Variants in PTPRD observed in about 807,000 individuals in gnomAD.
The protein encoded by PTPRD is protein tyrosine phosphatase receptor type D.
Under a neutral mutation model 214.5 loss-of-function variants are expected in PTPRD, and 34 were observed. The ratio of observed to expected loss-of-function variants is 0.16; its 90% CI spans 0.12 to 0.21. PTPRD has a LOEUF of 0.21. Ranked by LOEUF, PTPRD falls within the 10% of genes least tolerant of loss-of-function variation. PTPRD has a pLI of 1.00. For missense variants in PTPRD, 2,545 were observed against 2,398.7 expected (o/e 1.06, Z -1.27); for synonymous variants, 1,128 against 845.7 (o/e 1.33, Z -5.79).
At chr9:10,497,067 T>C (rs1168457788) in intron 2 of PTPRD, among the ~76,000 whole-genome samples, 1 of 151,952 alleles carries the variant, frequency 6.6e-6, no homozygotes, top group Non-Finnish European at 1.5e-5. Context: ...AAATACCTTA[T>C]GTTCTTACTT....
chr9:8,526,633 T>C lies in PTPRD; in HGVS notation c.562A>G (p.Ile188Val). Residue 188 changes from isoleucine (I) to valine (V), a missense_variant, in exon 17 of 46, where the codon ATA (isoleucine) becomes GTA (valine). Physicochemically the swap from Ile to Val is conservative, Grantham distance 29. Transcript: ENST00000381196. ...LRSESIGGTPIRGALQIEQSE... is the reference protein window; with the variant it reads ...LRSESIGGTPVRGALQIEQSE... Reference sequence around the variant, plus strand: ...GTTAGTTCAGCACTCTTACCTCTTATTGGTGTACCACCTGGGTGGATAATA... The same window carrying C: ...GTTAGTTCAGCACTCTTACCTCTTACTGGTGTACCACCTGGGTGGATAATA... The C allele has an allele frequency of 1.3e-6, 2 of 1,581,096 alleles. No homozygotes were observed. The highest frequency in any genetic ancestry group is 1.7e-6 in the Non-Finnish European group (2 of 1,161,768).
chr9:8,685,042 C>A (rs1011119256), intron 12 of PTPRD, among the ~76,000 whole-genome samples: 1 of 152,096 alleles, frequency 6.6e-6, no homozygotes, highest in Non-Finnish European at 1.5e-5. Context: ...GGCTGGATGT[C>A]AAGATGCCCT....
chr9:9,840,069 G>A (rs532226649), intron 5 of PTPRD, among the ~76,000 whole-genome samples: 2 of 151,930 alleles, frequency 1.3e-5, no homozygotes, highest in South Asian at 2.1e-4. Flanking sequence ...ACAGAGTCTC[G>A]CTCTGTCACC....
chr9:8,319,547 G>T (rs542332728), intron 45 of PTPRD, among the ~76,000 whole-genome samples: 1 of 151,744 alleles, frequency 6.6e-6, no homozygotes, highest in East Asian at 1.9e-4. Context: ...TGAATATAAC[G>T]AATTTTATGA....
intron 2 of PTPRD, among the ~76,000 whole-genome samples, chr9:10,402,965 AGCAC>A: frequency 6.6e-6 from 1 of 151,508 alleles, no homozygotes. Context: ...GCTTCCTCAC[AGCAC>A]ATCAATTATT....
rs553588901 is a variant in PTPRD, at chr9:8,633,092, C to T, written c.352+225G>A. ...TGGTATCTGGCATTTGAAGTCAATGCTTTTTTCAGCTTTTTTACCTCTGAT... is the reference window on the plus strand; with the variant it reads ...TGGTATCTGGCATTTGAAGTCAATGTTTTTTTCAGCTTTTTTACCTCTGAT... On this transcript the variant is annotated intron_variant, in intron 14 of 45. Coordinates refer to ENST00000381196, the MANE Select transcript of PTPRD (RefSeq NM_002839.4). 3.3e-5 allele frequency among the ~76,000 whole-genome samples: 5 copies of T among 152,022 alleles called. No individual in the cohort carries two copies. The South Asian group carries it at 6.2e-4, about 19-fold the overall frequency.
chr9:8,538,075 A>G (rs961375201), intron 14 of PTPRD, among the ~76,000 whole-genome samples: 1 of 151,978 alleles, frequency 6.6e-6, no homozygotes, highest in Non-Finnish European at 1.5e-5. Context: ...CATCAGGGAA[A>G]CACATTTATT....
intron 2 of PTPRD, among the ~76,000 whole-genome samples, chr9:10,526,745 T>C (rs918627161): frequency 3.3e-5 from 5 of 152,148 alleles, no homozygotes; most frequent in Non-Finnish European, 5.9e-5. Flanking sequence ...AGATACAGTA[T>C]TGAGGTTCCT....
chr9:9,496,863 C>T (rs114903388), intron 8 of PTPRD, among the ~76,000 whole-genome samples: 5 of 152,184 alleles, frequency 3.3e-5, no homozygotes, highest in South Asian at 2.1e-4. Context: ...TGTCCATTGA[C>T]GAATGAGCAA....
At chr9:10,359,794 A>AT (rs1210555800) in intron 2 of PTPRD, among the ~76,000 whole-genome samples, 1 of 152,122 alleles carries the variant, frequency 6.6e-6, no homozygotes, top group East Asian at 1.9e-4. Context: ...GGATACTGTG[A>AT]TTTTTATCAA....
At chr9:8,563,962 G>A (rs972300177) in intron 14 of PTPRD, among the ~76,000 whole-genome samples, 3 of 152,150 alleles carry the variant, frequency 2.0e-5, no homozygotes, top group Admixed American at 6.6e-5. Context: ...CATTGCAACC[G>A]GCCTCGGCAT....
intron 2 of PTPRD, chr9:10,532,534 G>C (rs1333828110): frequency 2.0e-5 from 3 of 148,982 alleles, no homozygotes; most frequent in African/African-American, 7.3e-5. Flanking sequence ...TAAGACTTCT[G>C]TTGAATGTGG....
intron 10 of PTPRD, among the ~76,000 whole-genome samples, chr9:9,118,459 T>C (rs2154460926): frequency 6.6e-6 from 1 of 152,298 alleles, no homozygotes; most frequent in Middle Eastern, 3.4e-3. Context: ...AGCAACTTTT[T>C]AGTCACACAC....
At chr9:9,195,716 C>CAAA (rs373628761) in intron 9 of PTPRD, among the ~76,000 whole-genome samples, 69 of 130,270 alleles carry the variant, frequency 5.3e-4, no homozygotes, top group Middle Eastern at 4.3e-3. Flanking sequence ...TTTTTAAATG[C>CAAA]AAAAAAAAAA....
chr9:9,125,963 C>T (rs148709977), intron 10 of PTPRD, among the ~76,000 whole-genome samples: 1 of 152,070 alleles, frequency 6.6e-6, no homozygotes, highest in African/African-American at 2.4e-5. Context: ...GCAGAAGGGA[C>T]AGTTGTGTTA....
chr9:9,734,822 T>C (rs541354823), intron 6 of PTPRD, among the ~76,000 whole-genome samples: 1 of 152,256 alleles, frequency 6.6e-6, no homozygotes, highest in South Asian at 2.1e-4. Context: ...TTTTTTCCAA[T>C]TATTTAGGTG....
intron 2 of PTPRD, among the ~76,000 whole-genome samples, chr9:10,588,883 A>C (rs2074656523): frequency 1.3e-5 from 2 of 152,042 alleles, no homozygotes; most frequent in South Asian, 4.1e-4. Context: ...AGCAGATAAC[A>C]GTATCTAATA....
chr9:9,780,661 T>C (rs2098836048), intron 5 of PTPRD, among the ~76,000 whole-genome samples: 1 of 152,182 alleles, frequency 6.6e-6, no homozygotes, highest in Admixed American at 6.5e-5. Context: ...AATGATATGA[T>C]TTAACCATCA....
intron 3 of PTPRD, among the ~76,000 whole-genome samples, chr9:10,265,000 A>G (rs2093959071): frequency 6.6e-6 from 1 of 152,058 alleles, no homozygotes; most frequent in African/African-American, 2.4e-5. Context: ...ACCATGTTTG[A>G]CATGGCCTTC....
Sources: gnomAD v4.1 joint callset for allele counts (sites outside exome capture counted in the v4.1 genomes callset) on GRCh38, gnomAD v4.1.1 for gene constraint, MANE v1.5 for transcripts, NCBI Gene and HGNC (gene_info 2026-07-23, HGNC 2026-07-21) for gene names.